CADPS: variants seen among roughly 807,000 people sequenced by gnomAD.
The protein encoded by CADPS is calcium-dependent secretion activator 1.
A neutral mutation model predicts 167.3 loss-of-function variants in CADPS; 57 were observed. The ratio of observed to expected loss-of-function variants is 0.34; its 90% confidence interval spans 0.28 to 0.42. CADPS has a LOEUF of 0.42. Among genes scored for constraint, CADPS ranks in the 20% least tolerant of loss-of-function variants. The pLI, the probability that CADPS is intolerant of heterozygous loss-of-function variation, is 1.00. For synonymous variants in CADPS, 676 were observed against 635.3 expected (o/e 1.06, Z -0.96); for missense variants, 1,414 against 1,738.1 (o/e 0.81, Z 3.32).
intron 6 of CADPS, among the ~76,000 whole-genome samples, chr3:62,593,537 T>C (rs1337493843): frequency 6.6e-6 from 1 of 152,208 alleles, no homozygotes; most frequent in African/African-American, 2.4e-5. Context: ...AAGTGTTAAC[T>C]GGATTGCACT....
Position 62,799,501 on chromosome 3 carries a change from C to T in CADPS, c.442-33517G>A, listed in dbSNP as rs566009383. The stretch of plus-strand genomic sequence containing the variant: ...TCTATTTTTAAATAACTTGTTTCCT[C>T]TATGGAATACATTCAGGTCTAAATA... On this transcript the variant is annotated intron_variant, in intron 1 of 29. Coordinates refer to ENST00000383710, the MANE Select transcript of CADPS (RefSeq NM_003716.4). Among the ~76,000 whole-genome samples the T allele has an allele frequency of 2.0e-5, 3 of 152,232 alleles. 1 individual carries two copies. The South Asian group carries it at 6.2e-4, about 32-fold the overall frequency.
In CADPS at chr3:62,449,310, T is replaced by C. The variant is rs9830407; in HGVS notation, c.3637-3513A>G. Among the ~76,000 whole-genome samples, 1,171 of 152,302 alleles carry C rather than the reference T, an allele frequency of 7.7e-3. 11 individuals are homozygous for C. The highest frequency in any genetic ancestry group is 0.027 in the African/African-American group (1,129 of 41,564). On this transcript the variant is annotated intron_variant, in intron 26 of 29. Transcript: ENST00000383710. ...CTTTGGATTTGTTTCTTTACCTACA[T>C]GAGAGTTTATCTCTAGGGCTGCTTT...
At chr3:62,555,463 G>A (rs2077984647) in intron 10 of CADPS, among the ~76,000 whole-genome samples, 1 of 152,172 alleles carries the variant, frequency 6.6e-6, no homozygotes, top group Non-Finnish European at 1.5e-5. Context: ...AAGTGCCAAA[G>A]CGTGACATGG....
chr3:62,672,861 C>T (rs142762016), intron 3 of CADPS, among the ~76,000 whole-genome samples: 1 of 152,278 alleles, frequency 6.6e-6, no homozygotes, highest in Non-Finnish European at 1.5e-5. Flanking sequence ...CTCAAACTCC[C>T]ACAGGGGCCT....
intron 2 of CADPS, among the ~76,000 whole-genome samples, chr3:62,764,424 G>A (rs73106308): frequency 0.12 from 18,504 of 152,082 alleles, 1,214 homozygotes; most frequent in South Asian, 0.18. Context: ...TTTAAATTTG[G>A]ACAACTATAA....
In CADPS at chr3:62,548,303, A is replaced by G. The variant is rs534551607; in HGVS notation, c.1966+1600T>C. ...ACTATTACTCTCTTTACTGCTCTCA[A>G]GTAAACCTAAGTGCAGGAAGATGTT... On this transcript the variant is annotated intron_variant, in intron 11 of 29. Transcript: ENST00000383710. 5.9e-5 allele frequency among the ~76,000 whole-genome samples: 9 copies of G among 152,352 alleles called. No individual in the cohort carries two copies. The East Asian group carries it at 1.7e-3, about 29-fold the overall frequency.
Position 62,557,526 on chromosome 3 carries a change from A to G in CADPS, c.1645-13T>C. On this transcript the variant is annotated splice_polypyrimidine_tract_variant and intron_variant, in intron 9 of 29. Transcript: ENST00000383710. ...TGTACTGACTGACCTGTTAAGGAAA[A>G]GCAGATTGTGAGGTTGACCCCTGGA... The G allele has an allele frequency of 6.2e-7, 1 of 1,604,374 alleles. No individual in the cohort carries two copies. The highest frequency in any genetic ancestry group is 8.5e-7 in the Non-Finnish European group (1 of 1,171,168).
intron 1 of CADPS, among the ~76,000 whole-genome samples, chr3:62,776,531 G>A (rs1053185160): frequency 3.3e-5 from 5 of 152,186 alleles, no homozygotes; most frequent in African/African-American, 4.8e-5. Flanking sequence ...GCGGGCGCCT[G>A]TAGTCTCAGC....
At chr3:62,461,618 G>GCTTTC (rs2059359382) in intron 26 of CADPS, among the ~76,000 whole-genome samples, 1 of 152,166 alleles carries the variant, frequency 6.6e-6, no homozygotes, top group Non-Finnish European at 1.5e-5. Context: ...CCTGGCTAAT[G>GCTTTC]CAGCTGCTAT....
At chr3:62,584,168 C>A (rs1165719542) in intron 8 of CADPS, among the ~76,000 whole-genome samples, 2 of 152,058 alleles carry the variant, frequency 1.3e-5, no homozygotes, top group Admixed American at 6.5e-5. Context: ...CCATGCCCAG[C>A]TAATTTTTTT....
intron 18 of CADPS, among the ~76,000 whole-genome samples, chr3:62,498,765 T>C (rs2065220539): frequency 6.8e-6 from 1 of 148,048 alleles, no homozygotes; most frequent in Admixed American, 6.7e-5. Flanking sequence ...CGAGATAAAT[T>C]GAGAAAGAAG....
intron 16 of CADPS, among the ~76,000 whole-genome samples, chr3:62,513,211 G>A (rs2068237159): frequency 2.0e-5 from 3 of 152,010 alleles, no homozygotes; most frequent in Admixed American, 2.0e-4. Context: ...ACCCATAATA[G>A]TTTGGCATCT....
chr3:62,656,830 T>G lies in CADPS; in HGVS notation c.969+5484A>C, dbSNP rs1377132849. On this transcript the variant is annotated intron_variant, in intron 4 of 29. Coordinates refer to ENST00000383710, the MANE Select transcript of CADPS (RefSeq NM_003716.4). ...GGCCAGCTTATTTACCCAATTGGTC[T>G]TACTTCCTCAGCTTTTATGAACTAG... Among the ~76,000 whole-genome samples, 6 of 152,214 alleles carry G rather than the reference T, an allele frequency of 3.9e-5. No individual in the cohort carries two copies. The East Asian group carries it at 9.6e-4, about 24-fold the overall frequency.
intron 6 of CADPS, among the ~76,000 whole-genome samples, chr3:62,615,400 G>C (rs773691611): frequency 2.0e-5 from 3 of 152,166 alleles, no homozygotes; most frequent in Non-Finnish European, 1.5e-5. Flanking sequence ...CCCAGCAAAT[G>C]ATGATGACAG....
chr3:62,795,088 G>A (rs1405095207), intron 1 of CADPS, among the ~76,000 whole-genome samples: 1 of 151,960 alleles, frequency 6.6e-6, no homozygotes, highest in Non-Finnish European at 1.5e-5. Flanking sequence ...CATCTCTCTT[G>A]ACGGAAAATG....
intron 1 of CADPS, among the ~76,000 whole-genome samples, chr3:62,854,055 G>A (rs139631434): frequency 5.3e-5 from 8 of 152,130 alleles, no homozygotes; most frequent in African/African-American, 1.4e-4. Flanking sequence ...ACCTACTGCC[G>A]CTCCATTCCC....
chr3:62,798,682 C>CCG (rs1232604531), intron 1 of CADPS, among the ~76,000 whole-genome samples: 1 of 152,010 alleles, frequency 6.6e-6, no homozygotes, highest in African/African-American at 2.4e-5. Flanking sequence ...AAATGTTACC[C>CCG]CTGTGAAGCT....
intron 13 of CADPS, among the ~76,000 whole-genome samples, chr3:62,524,020 T>C (rs1331031889): frequency 6.6e-6 from 1 of 152,208 alleles, no homozygotes; most frequent in Non-Finnish European, 1.5e-5. Flanking sequence ...TTAGTAGATG[T>C]TCTTTGCAGT....
intron 2 of CADPS, among the ~76,000 whole-genome samples, chr3:62,759,102 G>T (rs1289540002): frequency 6.6e-6 from 1 of 152,194 alleles, no homozygotes; most frequent in Non-Finnish European, 1.5e-5. Context: ...AGACATCATG[G>T]TTAGGAGGAT....
Sources: allele counts gnomAD v4.1 joint callset (sites outside exome capture counted in the v4.1 genomes callset), GRCh38; gene constraint gnomAD v4.1.1; transcripts MANE v1.5; gene names NCBI Gene and HGNC (gene_info 2026-07-23, HGNC 2026-07-21).